PHLPP1: variants seen among roughly 807,000 people sequenced by gnomAD.
PHLPP1 encodes the protein PH domain and leucine rich repeat protein phosphatase 1.
PHLPP1 carries 42 observed loss-of-function variants against 117.2 expected under a neutral mutation model. The observed-to-expected ratio is 0.36, with a 90% CI of 0.28 to 0.46. PHLPP1 has a LOEUF of 0.46. PHLPP1 is among the 20% of genes least tolerant of loss of function. PHLPP1 has a pLI of 1.00. For synonymous variants in PHLPP1, 1,042 were observed against 970.7 expected (o/e 1.07, Z -1.37); for missense variants, 2,084 against 2,241.9 (o/e 0.93, Z 1.42).
intron 15 of PHLPP1, among the ~76,000 whole-genome samples, chr18:62,972,951 G>C (rs555875136): frequency 5.9e-5 from 9 of 152,234 alleles, no homozygotes; most frequent in Non-Finnish European, 1.3e-4. Flanking sequence ...TAGTTTCTCT[G>C]AGAACTGGAC....
chr18:62,913,844 A>G (rs940197328), intron 8 of PHLPP1, among the ~76,000 whole-genome samples: 1 of 151,234 alleles, frequency 6.6e-6, no homozygotes, highest in Non-Finnish European at 1.5e-5. Flanking sequence ...CCCGGGTTCA[A>G]ACGATTCTCG....
chr18:62,828,823 A>G (rs1439521479), intron 1 of PHLPP1, among the ~76,000 whole-genome samples: 1 of 152,204 alleles, frequency 6.6e-6, no homozygotes, highest in African/African-American at 2.4e-5. Flanking sequence ...CTTCTAAATA[A>G]ATATGTTATT....
chr18:62,803,187 TTTTAA>T (rs1913836026), intron 1 of PHLPP1, among the ~76,000 whole-genome samples: 1 of 152,188 alleles, frequency 6.6e-6, no homozygotes, highest in Admixed American at 6.5e-5. Context: ...ATGCTAGAAA[TTTTAA>T]TTTAAACATT....
At chr18:62,821,322 T>A (rs1247334991) in intron 1 of PHLPP1, among the ~76,000 whole-genome samples, 3 of 150,278 alleles carry the variant, frequency 2.0e-5, no homozygotes, top group African/African-American at 7.3e-5. Flanking sequence ...ATGAAAAAAA[T>A]AAATGAAACA....
At chr18:62,838,633 A>T (rs1914972809) in intron 2 of PHLPP1, 151 bp from the exon 3 acceptor site, 3 of 621,426 alleles carry the variant, frequency 4.8e-6, no homozygotes, top group Non-Finnish European at 5.3e-6. Flanking sequence ...TTGGGTGATC[A>T]TATGCAGGAA....
At chr18:62,800,960 A>G (rs563393654) in intron 1 of PHLPP1, among the ~76,000 whole-genome samples, 6 of 149,184 alleles carry the variant, frequency 4.0e-5, no homozygotes, top group African/African-American at 1.5e-4. Context: ...TATTTGTGCA[A>G]ATTAAGTTGA....
intron 11 of PHLPP1, among the ~76,000 whole-genome samples, chr18:62,943,929 A>G (rs929613600): frequency 6.6e-6 from 1 of 152,184 alleles, no homozygotes; most frequent in Non-Finnish European, 1.5e-5. Context: ...CTGATACCAC[A>G]CTGGATGTAT....
chr18:62,927,009 T>C (rs1183247972), intron 10 of PHLPP1, among the ~76,000 whole-genome samples: 2 of 152,150 alleles, frequency 1.3e-5, no homozygotes, highest in African/African-American at 4.8e-5. Context: ...GGTCTACCAC[T>C]ACCACCTAAG....
intron 3 of PHLPP1, 101 bp from the exon 4 acceptor site, chr18:62,860,334 A>G (rs765267415): frequency 3.8e-5 from 37 of 976,706 alleles, no homozygotes; most frequent in Non-Finnish European, 5.6e-5. Flanking sequence ...TGCTACTTTC[A>G]TAGAATATCT....
intron 7 of PHLPP1, among the ~76,000 whole-genome samples, chr18:62,904,313 T>C (rs1320572956): frequency 6.6e-6 from 1 of 152,214 alleles, no homozygotes; most frequent in Non-Finnish European, 1.5e-5. Flanking sequence ...TGGTCAAGCA[T>C]TGCCCTTAGC....
intron 1 of PHLPP1, among the ~76,000 whole-genome samples, chr18:62,828,731 A>G (rs1265310035): frequency 6.6e-6 from 1 of 152,076 alleles, no homozygotes; most frequent in African/African-American, 2.4e-5. Flanking sequence ...ACCACTTGGT[A>G]TTTATGTTGG....
At chr18:62,797,851 A>G (rs1199479313) in intron 1 of PHLPP1, among the ~76,000 whole-genome samples, 1 of 152,162 alleles carries the variant, frequency 6.6e-6, no homozygotes, top group Non-Finnish European at 1.5e-5. Context: ...TGTAATTCCT[A>G]AAACCTGAGG....
At chr18:62,917,918 G>C (rs1454820529) in intron 9 of PHLPP1, among the ~76,000 whole-genome samples, 1 of 152,042 alleles carries the variant, frequency 6.6e-6, no homozygotes, top group African/African-American at 2.4e-5. Context: ...TAAAGAGTTT[G>C]ACAGGGCCAG....
At chr18:62,953,252 G>T (rs1910516002) in intron 12 of PHLPP1, among the ~76,000 whole-genome samples, 1 of 152,202 alleles carries the variant, frequency 6.6e-6, no homozygotes, top group African/African-American at 2.4e-5. Flanking sequence ...AGGATCCACA[G>T]TTCATTATCT....
intron 1 of PHLPP1, among the ~76,000 whole-genome samples, chr18:62,742,438 A>G (rs920749366): frequency 2.6e-5 from 4 of 151,878 alleles, no homozygotes; most frequent in Admixed American, 2.6e-4. Context: ...GGCTTCATGT[A>G]ATTTTTTTTT....
At chr18:62,882,548 C>T (rs983141147) in intron 4 of PHLPP1, among the ~76,000 whole-genome samples, 3 of 152,108 alleles carry the variant, frequency 2.0e-5, no homozygotes, top group Non-Finnish European at 2.9e-5. Flanking sequence ...CATGAGCCAC[C>T]GCGCCCGGCC....
chr18:62,877,442 C>T (rs1916074931), intron 4 of PHLPP1, among the ~76,000 whole-genome samples: 2 of 152,170 alleles, frequency 1.3e-5, no homozygotes, highest in South Asian at 2.1e-4. Flanking sequence ...GTATAAAAAA[C>T]GTTAGAGGCA....
intron 4 of PHLPP1, among the ~76,000 whole-genome samples, chr18:62,871,941 G>A (rs539986539): frequency 2.0e-5 from 3 of 152,202 alleles, no homozygotes; most frequent in Non-Finnish European, 2.9e-5. Context: ...CACTGCACCT[G>A]GCCTAGCTCT....
chr18:62,748,196 T>A (rs1911734409), intron 1 of PHLPP1, among the ~76,000 whole-genome samples: 3 of 152,154 alleles, frequency 2.0e-5, no homozygotes, highest in Non-Finnish European at 4.4e-5. Flanking sequence ...TTCAATGTAT[T>A]TTGAGGCTAT....
Sources: allele counts gnomAD v4.1 joint callset (sites outside exome capture counted in the v4.1 genomes callset), GRCh38; gene constraint gnomAD v4.1.1; transcripts MANE v1.5; gene names NCBI Gene and HGNC (gene_info 2026-07-23, HGNC 2026-07-21).